Variants in GPC6 observed in about 807,000 individuals in gnomAD.
GPC6 encodes the protein glypican 6, also known as glypican-6.
Under a neutral mutation model 55.2 loss-of-function variants are expected in GPC6, and 14 were observed. That is an observed-to-expected ratio of 0.25 (90% confidence interval 0.17 to 0.40). GPC6 has a LOEUF of 0.40. GPC6 is among the 10% of genes least tolerant of loss of function. GPC6 has a pLI of 1.00. For synonymous variants in GPC6, 278 were observed against 259.6 expected, an observed-to-expected ratio of 1.07 and a Z score of -0.68; for missense variants, 641 against 708.5, an observed-to-expected ratio of 0.90 and a Z score of 1.08.
intron 2 of GPC6, among the ~76,000 whole-genome samples, chr13:93,569,615 A>C (rs188926903): frequency 3.3e-5 from 5 of 152,088 alleles, no homozygotes; most frequent in Admixed American, 3.3e-4. Flanking sequence ...AGGATCTAGC[A>C]ATTTGTTTCC....
At chr13:94,279,164 G>A (rs1419819967) in intron 4 of GPC6, among the ~76,000 whole-genome samples, 1 of 151,986 alleles carries the variant, frequency 6.6e-6, no homozygotes, top group Admixed American at 6.6e-5. Context: ...TTTAGTCTTG[G>A]GAGGGTGTAT....
At chr13:94,171,800 G>A (rs1888577562) in intron 4 of GPC6, among the ~76,000 whole-genome samples, 1 of 152,230 alleles carries the variant, frequency 6.6e-6, no homozygotes, top group East Asian at 1.9e-4. Context: ...GCTTCAGTGA[G>A]CCTCTACTTG....
chr13:93,990,950 A>T (rs1881274212), intron 3 of GPC6, among the ~76,000 whole-genome samples: 1 of 149,866 alleles, frequency 6.7e-6, no homozygotes, highest in African/African-American at 2.5e-5. Context: ...GGAAGGAAGG[A>T]AGGAAGGAAA....
intron 1 of GPC6, among the ~76,000 whole-genome samples, chr13:93,354,357 T>TG (rs1594114166): frequency 6.9e-6 from 1 of 145,104 alleles, no homozygotes; most frequent in African/African-American, 2.6e-5. Flanking sequence ...AGATTTTTTT[T>TG]TTTTTTTTTT....
At chr13:93,884,134 C>G (rs901186552) in intron 3 of GPC6, among the ~76,000 whole-genome samples, 5 of 152,054 alleles carry the variant, frequency 3.3e-5, no homozygotes, top group African/African-American at 1.2e-4. Context: ...AGCATCATTC[C>G]CAGTAGGGAT....
intron 6 of GPC6, among the ~76,000 whole-genome samples, chr13:94,358,545 G>T (rs1878908882): frequency 2.0e-5 from 3 of 152,284 alleles, no homozygotes; most frequent in Admixed American, 2.0e-4. Flanking sequence ...ACAGGGTTGA[G>T]CTTGCCCTGG....
At chr13:94,252,618 A>C (rs904957307) in intron 4 of GPC6, among the ~76,000 whole-genome samples, 11 of 152,102 alleles carry the variant, frequency 7.2e-5, no homozygotes, top group Non-Finnish European at 1.5e-4. Context: ...ACCACCAACA[A>C]CAACAAAAGT....
intron 2 of GPC6, among the ~76,000 whole-genome samples, chr13:93,782,279 C>G (rs945407333): frequency 4.6e-5 from 7 of 152,140 alleles, no homozygotes; most frequent in African/African-American, 1.4e-4. Flanking sequence ...TTTTTCAAGG[C>G]TGAATACCAT....
In GPC6 at chr13:93,461,530, C is replaced by T. The variant is rs191792744; in HGVS notation, c.161-83733C>T. ...ACTGTTTCACTATATAAGTATAGCA[C>T]ATAGTAGAGTCCATCTACCATTGTC... On this transcript the variant is annotated intron_variant, in intron 1 of 8. Coordinates refer to ENST00000377047, the MANE Select transcript of GPC6 (RefSeq NM_005708.5). 2.0e-5 allele frequency among the ~76,000 whole-genome samples: 3 copies of T among 152,236 alleles called. No individual in the cohort carries two copies. The East Asian group carries it at 5.8e-4, about 29-fold the overall frequency.
chr13:94,253,592 A>G (rs1384279328), intron 4 of GPC6, among the ~76,000 whole-genome samples: 1 of 152,106 alleles, frequency 6.6e-6, no homozygotes, highest in Non-Finnish European at 1.5e-5. Flanking sequence ...CCTGTTCCCA[A>G]GATGAATCTG....
chr13:93,337,372 T>G (rs2139144866), intron 1 of GPC6, among the ~76,000 whole-genome samples: 1 of 152,308 alleles, frequency 6.6e-6, no homozygotes, highest in Non-Finnish European at 1.5e-5. Flanking sequence ...CCAGTTCCAC[T>G]ATTGCAACTA....
chr13:93,329,870 T>TTGCAACATTTGCATTTA (rs1479147982), intron 1 of GPC6, among the ~76,000 whole-genome samples: 1 of 152,186 alleles, frequency 6.6e-6, no homozygotes, highest in African/African-American at 2.4e-5. Flanking sequence ...TGCAAAGGAT[T>TTGCAACATTTGCATTTA]AATAACATTT....
At chr13:93,717,768 C>A (rs545503894) in intron 2 of GPC6, among the ~76,000 whole-genome samples, 1 of 151,632 alleles carries the variant, frequency 6.6e-6, no homozygotes, top group Non-Finnish European at 1.5e-5. Context: ...CCTTGCCCCC[C>A]ACCCCTGACA....
intron 1 of GPC6, among the ~76,000 whole-genome samples, chr13:93,459,953 G>A (rs1240461783): frequency 6.6e-6 from 1 of 152,122 alleles, no homozygotes; most frequent in Non-Finnish European, 1.5e-5. Flanking sequence ...CTAAATCAAT[G>A]ACACCTGTTC....
chr13:93,463,401 C>G (rs1878776326), intron 1 of GPC6, among the ~76,000 whole-genome samples: 1 of 152,136 alleles, frequency 6.6e-6, no homozygotes, highest in African/African-American at 2.4e-5. Context: ...TTAAATCTTG[C>G]CAGAGCTGGA....
intron 3 of GPC6, among the ~76,000 whole-genome samples, chr13:93,862,053 T>C (rs1888830178): frequency 6.6e-6 from 1 of 151,642 alleles, no homozygotes; most frequent in African/African-American, 2.4e-5. Context: ...GGAATGACGC[T>C]AAACCCACTT....
intron 4 of GPC6, among the ~76,000 whole-genome samples, chr13:94,197,304 T>A (rs987734707): frequency 1.6e-4 from 24 of 152,306 alleles, no homozygotes; most frequent in African/African-American, 4.8e-4. Flanking sequence ...CTCCACTCCC[T>A]GCCAAGCATC....
chr13:93,479,609 C>CCCG (rs1555303828), intron 1 of GPC6, among the ~76,000 whole-genome samples: 1 of 18,684 alleles, frequency 5.4e-5, no homozygotes, highest in African/African-American at 2.0e-4. Flanking sequence ...CGTGGTGAGA[C>CCCG]CCCCCCCCAT....
At chr13:93,696,798 T>G (rs1177822826) in intron 2 of GPC6, among the ~76,000 whole-genome samples, 1 of 152,022 alleles carries the variant, frequency 6.6e-6, no homozygotes, top group East Asian at 1.9e-4. Context: ...ACTTTTTGTA[T>G]TTTTAGGAGA....
Sources: gnomAD v4.1 joint callset for allele counts (sites outside exome capture counted in the v4.1 genomes callset) on GRCh38, gnomAD v4.1.1 for gene constraint, MANE v1.5 for transcripts, NCBI Gene and HGNC (gene_info 2026-07-23, HGNC 2026-07-21) for gene names.